The following EFL1 variants were observed in gnomAD, a reference collection of about 807,000 sequenced individuals.
EFL1 encodes the protein elongation factor like GTPase 1, also known as elongation factor-like GTPase 1.
In EFL1, 76 loss-of-function variants were observed where a neutral mutation model predicts 126.7. The observed-to-expected ratio is 0.60, with a 90% CI of 0.50 to 0.73. The LOEUF (loss-of-function observed/expected upper bound fraction) is 0.73. EFL1 is among the 30% of genes least tolerant of loss of function. EFL1 has a pLI of 0.00. For synonymous variants in EFL1, 410 were observed against 448.4 expected (o/e 0.91, Z 1.08); for missense variants, 1,128 against 1,343.2 (o/e 0.84, Z 2.50).
intron 4 of EFL1, among the ~76,000 whole-genome samples, chr15:82,249,931 A>T (rs1215363220): frequency 6.6e-6 from 1 of 152,122 alleles, no homozygotes; most frequent in Non-Finnish European, 1.5e-5. Flanking sequence ...TAAATATTTG[A>T]AAATACTTTT....
chr15:82,164,973 C>G lies in EFL1; in HGVS notation c.1751-989G>C, dbSNP rs551641140. ...ACTATGAGTAGACAACATTTTAGAA[C>G]AAATTAAGAAACACATACAAAGGGC... On this transcript the variant is annotated intron_variant, in intron 15 of 19. Coordinates refer to ENST00000268206, the MANE Select transcript of EFL1 (RefSeq NM_024580.6). Among the ~76,000 whole-genome samples, 5 of 149,806 alleles carry G rather than the reference C, an allele frequency of 3.3e-5. No individual in the cohort carries two copies. The South Asian group carries it at 1.1e-3, about 32-fold the overall frequency.
intron 15 of EFL1, 34 bp from the exon 16 acceptor site, chr15:82,164,018 G>C: frequency 6.2e-7 from 1 of 1,604,642 alleles, no homozygotes; most frequent in Non-Finnish European, 8.5e-7. Context: ...GGTCAATAAG[G>C]GATGATAAAT....
chr15:82,198,166 T>A (rs1283603539), intron 15 of EFL1, among the ~76,000 whole-genome samples: 1 of 152,176 alleles, frequency 6.6e-6, no homozygotes, highest in African/African-American at 2.4e-5. Context: ...TGTGATTTGA[T>A]GAAAATCTGT....
At chr15:82,168,422 T>A (rs2074100533) in intron 15 of EFL1, among the ~76,000 whole-genome samples, 2 of 152,336 alleles carry the variant, frequency 1.3e-5, no homozygotes, top group South Asian at 4.1e-4. Context: ...GGTGTTATAG[T>A]AGGCCTTAGG....
At chr15:82,177,704 G>A (rs117814956) in intron 15 of EFL1, among the ~76,000 whole-genome samples, 2,731 of 152,228 alleles carry the variant, frequency 0.018, 29 homozygotes, top group Non-Finnish European at 0.026. Flanking sequence ...CTTCTCTACT[G>A]CTGCCTTTAT....
chr15:82,240,590 G>T, intron 5 of EFL1, 35 bp from the exon 6 acceptor site: 2 of 1,609,310 alleles, frequency 1.2e-6, no homozygotes, highest in South Asian at 2.2e-5. Flanking sequence ...TAAAACTCAT[G>T]ATTTGAAATA....
At chr15:82,143,929 G>A (rs2073815512) in intron 18 of EFL1, among the ~76,000 whole-genome samples, 1 of 152,062 alleles carries the variant, frequency 6.6e-6, no homozygotes. Context: ...TTGAATTCCT[G>A]GGCTCAAGCG....
At position 82,157,565 on chromosome 15, in the gene EFL1, A is replaced by C. The variant is rs1045508; in HGVS notation, c.2030+148T>G. Reference sequence around the variant, plus strand: ...TTCAGTTATTAAAAAATAAGTCTACAATCGAATAACTGTTCATGTCTGAAT... The same window carrying C: ...TTCAGTTATTAAAAAATAAGTCTACCATCGAATAACTGTTCATGTCTGAAT... On this transcript the variant is annotated intron_variant, in intron 17 of 19. Transcript: ENST00000268206. 388,579 of 937,172 alleles carry C rather than the reference A, an allele frequency of 0.41. 84,802 individuals are homozygous for C. Among genetic ancestry groups the C allele is most frequent in the East Asian group, 0.56 (21,551 of 38,434 alleles). The allele number at this position is 937,172 out of a possible 1,614,324, so 58.1% of individuals were successfully genotyped here.
At chr15:82,259,001 G>T in intron 3 of EFL1, 87 bp downstream of exon 3, 1 of 1,223,196 alleles carries the variant, frequency 8.2e-7, no homozygotes, top group South Asian at 1.2e-5. Flanking sequence ...TACCCTTTTG[G>T]ATGGCTGAAG....
intron 12 of EFL1, 78 bp from the exon 13 acceptor site, chr15:82,220,307 A>G: frequency 6.7e-7 from 1 of 1,491,042 alleles, no homozygotes; most frequent in Non-Finnish European, 8.9e-7. Context: ...ATGGCTGGGT[A>G]AGATGAAGAT....
intron 19 of EFL1, among the ~76,000 whole-genome samples, chr15:82,136,584 G>T (rs2073724617): frequency 6.6e-6 from 1 of 152,182 alleles, no homozygotes; most frequent in South Asian, 2.1e-4. Context: ...ATGCTGTAAT[G>T]ATTTTTTCAT....
At chr15:82,244,656 G>A (rs907932359) in intron 4 of EFL1, among the ~76,000 whole-genome samples, 3 of 152,152 alleles carry the variant, frequency 2.0e-5, no homozygotes, top group African/African-American at 7.2e-5. Flanking sequence ...AATTATGGGA[G>A]ATATCTTCCA....
intron 7 of EFL1, among the ~76,000 whole-genome samples, chr15:82,233,491 C>T (rs1418846398): frequency 6.6e-6 from 1 of 152,152 alleles, no homozygotes; most frequent in African/African-American, 2.4e-5. Context: ...TTTTGCCCTC[C>T]AAGCTACCCA....
intron 15 of EFL1, among the ~76,000 whole-genome samples, chr15:82,211,088 C>T (rs2074579028): frequency 7.1e-6 from 1 of 140,670 alleles, no homozygotes; most frequent in Admixed American, 6.9e-5. Flanking sequence ...GAAGACAAAT[C>T]TGTTTCAAAG....
intron 15 of EFL1, among the ~76,000 whole-genome samples, chr15:82,209,464 A>G (rs2074562111): frequency 6.6e-6 from 1 of 152,212 alleles, no homozygotes; most frequent in Non-Finnish European, 1.5e-5. Context: ...GAAAAGAAGA[A>G]TATCATGTTT....
intron 19 of EFL1, among the ~76,000 whole-genome samples, chr15:82,131,915 A>C (rs2073651569): frequency 6.6e-6 from 1 of 151,942 alleles, no homozygotes; most frequent in Admixed American, 6.6e-5. Context: ...ATGGAGATTA[A>C]AAAAAAAGTC....
chr15:82,174,459 GA>G (rs1012974403), intron 15 of EFL1: 2 of 152,114 alleles, frequency 1.3e-5, no homozygotes, highest in African/African-American at 4.8e-5. Flanking sequence ...TCTGTGCCTT[GA>G]ATGCTCACAT....
intron 4 of EFL1, among the ~76,000 whole-genome samples, chr15:82,246,604 G>A (rs1277688750): frequency 1.3e-5 from 2 of 152,064 alleles, no homozygotes; most frequent in Non-Finnish European, 2.9e-5. Flanking sequence ...ACTTGAGCAT[G>A]CTTAAAAGCT....
At chr15:82,187,789 A>G (rs2074318324) in intron 15 of EFL1, among the ~76,000 whole-genome samples, 1 of 152,104 alleles carries the variant, frequency 6.6e-6, no homozygotes, top group South Asian at 2.1e-4. Context: ...AGAGGAGGGA[A>G]TATTTGTTAA....
Sources: allele counts gnomAD v4.1 joint callset (sites outside exome capture counted in the v4.1 genomes callset), GRCh38; gene constraint gnomAD v4.1.1; transcripts MANE v1.5; gene names NCBI Gene and HGNC (gene_info 2026-07-23, HGNC 2026-07-21).